The following JMJD1C variants were observed in gnomAD, a reference collection of about 807,000 sequenced individuals.
JMJD1C encodes jumonji domain containing 1C, also known as jumonji domain-containing protein 1C.
In JMJD1C, 31 loss-of-function variants were observed where a neutral mutation model predicts 245.3. The ratio of observed to expected loss-of-function variants is 0.13; its 90% CI spans 0.09 to 0.17. The LOEUF (loss-of-function observed/expected upper bound fraction) is 0.17, where lower values mean the gene tolerates loss of function less well. Ranked by LOEUF, JMJD1C falls within the 10% of genes least tolerant of loss-of-function variation. The probability of loss-of-function intolerance (pLI) is 1.00; values close to 1 mark genes in which losing one functional copy is unlikely to be tolerated. For missense variants in JMJD1C, 2,691 were observed against 3,000.2 expected (o/e 0.90, Z 2.41); for synonymous variants, 1,057 against 1,017.4 (o/e 1.04, Z -0.74).
chr10:63,185,223 T>C lies in JMJD1C; in HGVS notation c.6830+340A>G, dbSNP rs114806593. 3.8e-3 allele frequency among the ~76,000 whole-genome samples: 585 copies of C among 152,292 alleles called. 2 individuals are homozygous for C. The highest frequency in any genetic ancestry group is 0.013 in the African/African-American group (532 of 41,562). On this transcript the variant is annotated intron_variant, in intron 20 of 25. Transcript: ENST00000399262. Reference sequence around the variant, plus strand: ...TCAGCTCACTGCAGCCTCCACTTCCTCCACTCCAGTGATCCTCTCACCTCA... The same window carrying C: ...TCAGCTCACTGCAGCCTCCACTTCCCCCACTCCAGTGATCCTCTCACCTCA...
At chr10:63,480,185 T>A (rs1448439355) in intron 1 of JMJD1C, among the ~76,000 whole-genome samples, 1 of 152,160 alleles carries the variant, frequency 6.6e-6, no homozygotes, top group African/African-American at 2.4e-5. Flanking sequence ...AAGGTTTTGA[T>A]CCTGTTGGAA....
intron 2 of JMJD1C, among the ~76,000 whole-genome samples, chr10:63,297,152 G>A (rs545103061): frequency 3.9e-5 from 6 of 152,312 alleles, no homozygotes; most frequent in South Asian, 2.1e-4. Flanking sequence ...TAAACCAGGC[G>A]CGGTGGCTCA....
At chr10:63,235,690 A>AC (rs1850651976) in intron 3 of JMJD1C, among the ~76,000 whole-genome samples, 1 of 152,152 alleles carries the variant, frequency 6.6e-6, no homozygotes, top group African/African-American at 2.4e-5. Flanking sequence ...TCCTAACAAT[A>AC]CCTCTGCTAT....
At chr10:63,183,123 A>C (rs1361206867) in intron 22 of JMJD1C, among the ~76,000 whole-genome samples, 6 of 152,236 alleles carry the variant, frequency 3.9e-5, no homozygotes, top group Non-Finnish European at 1.5e-5. Flanking sequence ...GGCCTCCCAA[A>C]GTACTGAGAT....
intron 3 of JMJD1C, among the ~76,000 whole-genome samples, chr10:63,235,421 C>T (rs553282740): frequency 2.0e-5 from 3 of 152,128 alleles, no homozygotes; most frequent in East Asian, 3.9e-4. Flanking sequence ...TGCTTGAACC[C>T]GCGAGGCAGA....
At chr10:63,519,795 G>C (rs1336435345) in intron 1 of JMJD1C, among the ~76,000 whole-genome samples, 2 of 152,178 alleles carry the variant, frequency 1.3e-5, no homozygotes, top group Non-Finnish European at 2.9e-5. Context: ...AAGAGAGGTA[G>C]GGAACGGGTA....
intron 2 of JMJD1C, among the ~76,000 whole-genome samples, chr10:63,265,844 A>G (rs1426556695): frequency 6.6e-6 from 1 of 152,168 alleles, no homozygotes; most frequent in Non-Finnish European, 1.5e-5. Flanking sequence ...TAGACAGTAC[A>G]AATTACCAGG....
At chr10:63,228,216 A>T (rs1849540074) in intron 3 of JMJD1C, among the ~76,000 whole-genome samples, 1 of 145,772 alleles carries the variant, frequency 6.9e-6, no homozygotes, top group East Asian at 1.9e-4. Context: ...AGCTAAAAAA[A>T]TACCATAAAA....
intron 1 of JMJD1C, among the ~76,000 whole-genome samples, chr10:63,389,952 A>G (rs1367585032): frequency 2.0e-5 from 3 of 152,200 alleles, no homozygotes; most frequent in African/African-American, 7.2e-5. Context: ...CAGAATTTCA[A>G]ATACAGTGTC....
chr10:63,453,263 A>C (rs1265012971), intron 1 of JMJD1C, among the ~76,000 whole-genome samples: 1 of 152,246 alleles, frequency 6.6e-6, no homozygotes, highest in African/African-American at 2.4e-5. Flanking sequence ...TGACAGAGCA[A>C]GACCCTGTCT....
At chr10:63,293,089 C>T (rs550262235) in intron 2 of JMJD1C, among the ~76,000 whole-genome samples, 1 of 152,210 alleles carries the variant, frequency 6.6e-6, no homozygotes, top group Non-Finnish European at 1.5e-5. Context: ...TACAACCAAC[C>T]TAGCCAAGTA....
chr10:63,238,366 T>C (rs1589248292), intron 3 of JMJD1C, among the ~76,000 whole-genome samples: 2 of 151,614 alleles, frequency 1.3e-5, no homozygotes, highest in South Asian at 4.1e-4. Flanking sequence ...AAATTTAATT[T>C]AAAAAAGGGA....
At chr10:63,406,654 G>A (rs1446763249) in intron 1 of JMJD1C, among the ~76,000 whole-genome samples, 2 of 150,944 alleles carry the variant, frequency 1.3e-5, no homozygotes, top group Non-Finnish European at 1.5e-5. Flanking sequence ...AAAATAGTAT[G>A]GGAAAATATC....
chr10:63,302,384 T>C (rs1284872307), intron 2 of JMJD1C, among the ~76,000 whole-genome samples: 1 of 152,222 alleles, frequency 6.6e-6, no homozygotes. Flanking sequence ...TAACCAGCAA[T>C]GAATGACAGT....
intron 16 of JMJD1C, among the ~76,000 whole-genome samples, chr10:63,192,201 G>A (rs1589107870): frequency 1.4e-5 from 2 of 144,812 alleles, no homozygotes; most frequent in Non-Finnish European, 3.0e-5. Context: ...GACTGCTTGA[G>A]CCCAGGAGTT....
intron 1 of JMJD1C, among the ~76,000 whole-genome samples, chr10:63,503,805 T>C (rs1954635131): frequency 1.3e-5 from 2 of 152,212 alleles, no homozygotes; most frequent in African/African-American, 4.8e-5. Flanking sequence ...TTGACAACTT[T>C]CGTAGTTCTG....
chr10:63,186,536 A>C (rs1027389811), intron 18 of JMJD1C, among the ~76,000 whole-genome samples, 153 bp from the exon 19 acceptor site: 1 of 152,146 alleles, frequency 6.6e-6, no homozygotes, highest in African/African-American at 2.4e-5. Flanking sequence ...GGGCTCAATC[A>C]ATCCTTCTAC....
At chr10:63,352,259 T>C (rs1210381547) in intron 2 of JMJD1C, among the ~76,000 whole-genome samples, 1 of 152,104 alleles carries the variant, frequency 6.6e-6, no homozygotes, top group African/African-American at 2.4e-5. Flanking sequence ...ACACAGAGCT[T>C]CTAAAAATAA....
intron 2 of JMJD1C, among the ~76,000 whole-genome samples, chr10:63,338,679 G>A (rs1002469614): frequency 3.0e-5 from 3 of 100,424 alleles, no homozygotes; most frequent in Admixed American, 1.4e-4. Context: ...ATAGAGTTTC[G>A]CTCTTGTTAC....
Sources: allele counts gnomAD v4.1 joint callset (sites outside exome capture counted in the v4.1 genomes callset), GRCh38; gene constraint gnomAD v4.1.1; transcripts MANE v1.5; gene names NCBI Gene and HGNC (gene_info 2026-07-23, HGNC 2026-07-21).